The following NDUFA13 variants were observed in gnomAD, a reference collection of about 807,000 sequenced individuals.
The protein encoded by NDUFA13 is NADH:ubiquinone oxidoreductase subunit A13.
NDUFA13 carries 16 observed loss-of-function variants against 17.0 expected under a neutral mutation model. That is an observed-to-expected ratio of 0.94 (90% confidence interval 0.64 to 1.43). The LOEUF is 1.43. Ranked by LOEUF, NDUFA13 falls within the 40% of genes most tolerant of loss-of-function variation. The pLI, the probability that NDUFA13 is intolerant of heterozygous loss-of-function variation, is 0.00. For synonymous variants in NDUFA13, 87 were observed against 78.4 expected (o/e 1.11, Z -0.58); for missense variants, 228 against 206.7 (o/e 1.10, Z -0.63).
intron 1 of NDUFA13, among the ~76,000 whole-genome samples, chr19:19,517,141 A>C (rs2144635392): frequency 6.6e-6 from 1 of 152,368 alleles, no homozygotes; most frequent in Middle Eastern, 3.4e-3. Flanking sequence ...GGCTCAGCAC[A>C]GAAAATTGAA....
chr19:19,519,045 A>ATTTTTTTTTTTTTTTTTTTTTTTT (rs71170693), intron 1 of NDUFA13, among the ~76,000 whole-genome samples: 4 of 114,878 alleles, frequency 3.5e-5, no homozygotes, highest in Admixed American at 1.8e-4. Flanking sequence ...GGCCCGGCCT[A>ATTTTTTTTTTTTTTTTTTTTTTTT]TTTTTTTTTT....
chr19:19,516,536 A>G (rs2061049927), intron 1 of NDUFA13, among the ~76,000 whole-genome samples: 1 of 152,240 alleles, frequency 6.6e-6, no homozygotes, highest in East Asian at 1.9e-4. Context: ...GTAACAGCCC[A>G]GGAAATCGGT....
chr19:19,525,871 T>C (rs897855325), intron 1 of NDUFA13, among the ~76,000 whole-genome samples: 1 of 152,160 alleles, frequency 6.6e-6, no homozygotes, highest in Non-Finnish European at 1.5e-5. Flanking sequence ...GGAGCCACCA[T>C]GGACACTGTC....
chr19:19,525,997 A>C (rs2144644685), intron 1 of NDUFA13, 185 bp from the exon 2 acceptor site: 4 of 1,464,902 alleles, frequency 2.7e-6, no homozygotes, highest in Non-Finnish European at 3.6e-6. Context: ...AGGCCTCCTG[A>C]GGTTGCTGCC....
intron 1 of NDUFA13, among the ~76,000 whole-genome samples, chr19:19,519,959 G>A (rs2061069028): frequency 6.8e-6 from 1 of 147,964 alleles, no homozygotes; most frequent in Non-Finnish European, 1.5e-5. Context: ...GGCTCAGGCT[G>A]CTTTTTGTTC....
chr19:19,526,884 G>A (rs531442426), intron 2 of NDUFA13, among the ~76,000 whole-genome samples: 5 of 152,138 alleles, frequency 3.3e-5, no homozygotes, highest in South Asian at 2.1e-4. Context: ...TTGTGGCCCC[G>A]CCTGCCCCAG....
intron 2 of NDUFA13, 74 bp from the exon 3 acceptor site, chr19:19,527,207 C>T (rs943661662): frequency 1.6e-5 from 24 of 1,529,096 alleles, no homozygotes; most frequent in Non-Finnish European, 1.9e-5. Flanking sequence ...CACCCTGGCC[C>T]CTGAGGTCTG....
chr19:19,517,589 A>G (rs1381527405), intron 1 of NDUFA13, among the ~76,000 whole-genome samples: 1 of 152,218 alleles, frequency 6.6e-6, no homozygotes, highest in Non-Finnish European at 1.5e-5. Context: ...TTTAACACAC[A>G]CACAAAAATG....
At chr19:19,527,968 G>T (rs762290606) in intron 4 of NDUFA13, 39 bp from the exon 5 acceptor site, 26 of 1,608,942 alleles carry the variant, frequency 1.6e-5, no homozygotes, top group Non-Finnish European at 2.1e-5. Context: ...GCTGTATATG[G>T]GTGGCTGTGC....
At chr19:19,516,945 G>C (rs1194368891) in intron 1 of NDUFA13, among the ~76,000 whole-genome samples, 1 of 151,866 alleles carries the variant, frequency 6.6e-6, no homozygotes, top group Non-Finnish European at 1.5e-5. Flanking sequence ...GTGCCACAAC[G>C]CCTGGCTAAC....
chr19:19,517,486 A>G (rs763689643), intron 1 of NDUFA13, among the ~76,000 whole-genome samples: 3 of 152,160 alleles, frequency 2.0e-5, no homozygotes, highest in Admixed American at 6.6e-5. Flanking sequence ...TGATGGGACT[A>G]TCGGCATGAG....
chr19:19,519,688 C>T (rs946463171), intron 1 of NDUFA13, among the ~76,000 whole-genome samples: 1 of 152,206 alleles, frequency 6.6e-6, no homozygotes, highest in African/African-American at 2.4e-5. Context: ...AACCTGGGCC[C>T]ACTTAAGCCA....
chr19:19,524,227 C>G (rs1445334032), intron 1 of NDUFA13, among the ~76,000 whole-genome samples: 2 of 152,242 alleles, frequency 1.3e-5, no homozygotes, highest in South Asian at 2.1e-4. Context: ...GGGGCCTTGG[C>G]CCCCCTGTGG....
Position 19,526,312 on chromosome 19 carries a change from G to A in NDUFA13, c.173+52G>A, listed in dbSNP as rs374424526. The A allele has an allele frequency of 8.2e-6, 13 of 1,591,566 alleles. No individual in the cohort carries two copies. In the African/African-American group the frequency reaches 1.6e-4, roughly 20 times the overall value. On this transcript the variant is annotated intron_variant, in intron 2 of 4. Transcript: ENST00000507754. ...AAAGTGCCCCCCCGGCGAGTTGTCG[G>A]GGTCCTGTAGCATTCCGCTGTTGTC...
intron 1 of NDUFA13, among the ~76,000 whole-genome samples, chr19:19,516,844 A>G (rs56330647): frequency 0.16 from 23,688 of 151,920 alleles, 1,950 homozygotes; most frequent in Middle Eastern, 0.28. Context: ...CTGGAGTGCA[A>G]TGGCGCCATC....
intron 1 of NDUFA13, among the ~76,000 whole-genome samples, chr19:19,523,636 T>C (rs2061088269): frequency 2.0e-5 from 3 of 152,040 alleles, no homozygotes; most frequent in East Asian, 1.9e-4. Flanking sequence ...TTTAAAAATA[T>C]GTATTTTGGG....
At chr19:19,525,683 G>A (rs1358439944) in intron 1 of NDUFA13, among the ~76,000 whole-genome samples, 1 of 152,164 alleles carries the variant, frequency 6.6e-6, no homozygotes, top group Non-Finnish European at 1.5e-5. Context: ...TATTCATGAT[G>A]GCCTAGGTCC....
chr19:19,527,690 C>T lies in NDUFA13; in HGVS notation c.246-11C>T, dbSNP rs2061109474. 1.3e-6 allele frequency: 2 copies of T among 1,551,238 alleles called. No individual in the cohort carries two copies. Among genetic ancestry groups the T allele is most frequent in the Non-Finnish European group, 1.7e-6 (2 of 1,146,700 alleles). ...GAGGCCCCACCCCCACCATCGGCCC[C>T]ATCCCCACAGGACCTTGCAGATGCT... On this transcript the variant is annotated splice_polypyrimidine_tract_variant and intron_variant, in intron 3 of 4. Transcript: ENST00000507754.
At position 19,528,054 on chromosome 19, in the gene NDUFA13, C is replaced by T. The variant is rs778543754; in HGVS notation, c.363C>T (p.Ile121=). The T allele has an allele frequency of 9.9e-6, 16 of 1,612,174 alleles. No individual in the cohort carries two copies. The highest frequency in any genetic ancestry group is 3.3e-5 in the South Asian group (3 of 90,944). The change falls in exon 5 of 5, where the codon ATC becomes ATT. Residue 121 remains isoleucine, a synonymous_variant. Transcript: ENST00000507754. ...FHTTRWVPPL[I]GELYGLRTTE... ...CAACCCGCTGGGTGCCCCCCTTGAT[C>T]GGGGAGCTGTACGGGCTGCGCACCA...
Sources: gnomAD v4.1 joint callset for allele counts (sites outside exome capture counted in the v4.1 genomes callset) on GRCh38, gnomAD v4.1.1 for gene constraint, MANE v1.5 for transcripts, NCBI Gene and HGNC (gene_info 2026-07-23, HGNC 2026-07-21) for gene names.